Variants in CLDN16 observed in about 807,000 individuals in gnomAD.
CLDN16 encodes claudin-16.
A neutral mutation model predicts 24.6 loss-of-function variants in CLDN16; 13 were observed. The observed-to-expected ratio is 0.53, with a 90% CI of 0.34 to 0.84. The LOEUF is 0.84. Ranked by LOEUF, CLDN16 falls within the 40% of genes least tolerant of loss-of-function variation. The probability of loss-of-function intolerance (pLI) is 0.01; values close to 1 mark genes in which losing one functional copy is unlikely to be tolerated. For missense variants in CLDN16, 298 were observed against 292.7 expected (o/e 1.02, Z -0.13); for synonymous variants, 116 against 106.7 (o/e 1.09, Z -0.54).
chr3:190,303,884 C>G, the CLDN16 span, among the ~76,000 whole-genome samples: 2 of 95,840 alleles, frequency 2.1e-5, no homozygotes, highest in African/African-American at 6.1e-5. Context: ...CTCCTTTTCC[C>G]CACAAAACAC....
chr3:190,368,825 T>C (rs946607158), intron 1 of CLDN16, among the ~76,000 whole-genome samples: 4 of 152,010 alleles, frequency 2.6e-5, no homozygotes, highest in East Asian at 2.0e-4. Context: ...TTCCTCTGTA[T>C]TTTTTCCCTT....
At chr3:190,296,419 A>G in the CLDN16 span, among the ~76,000 whole-genome samples, 1 of 152,204 alleles carries the variant, frequency 6.6e-6, no homozygotes, top group African/African-American at 2.4e-5. Flanking sequence ...CTGCGAAAAA[A>G]GCAGTAAGTT....
At chr3:190,293,417 T>G in the CLDN16 span, among the ~76,000 whole-genome samples, 1 of 152,224 alleles carries the variant, frequency 6.6e-6, no homozygotes, top group Non-Finnish European at 1.5e-5. Context: ...TAGATCATAT[T>G]CCAAGGTGTA....
Position 190,410,063 on chromosome 3 carries a change from T to C in CLDN16, c.*27T>C, listed in dbSNP as rs1719235955. ...ATGCACGTTTCAGGGTGTGTTTGCA[T>C]ATGATTTAATCAATCAGTATGGTTA... On this transcript the variant is annotated 3_prime_UTR_variant, in exon 5 of 5. Coordinates refer to ENST00000264734, the MANE Select transcript of CLDN16 (RefSeq NM_006580.4). 1.2e-6 allele frequency: 2 copies of C among 1,613,164 alleles called. No homozygotes were observed. Among genetic ancestry groups the C allele is most frequent in the South Asian group, 2.2e-5 (2 of 91,070 alleles).
intron 1 of CLDN16, among the ~76,000 whole-genome samples, chr3:190,327,463 T>C (rs1166085321): frequency 6.6e-6 from 1 of 152,178 alleles, no homozygotes; most frequent in East Asian, 1.9e-4. Flanking sequence ...AAGGGCTTTG[T>C]TGTATAAACT....
chr3:190,376,958 A>G (rs1718261078), intron 3 of CLDN16, among the ~76,000 whole-genome samples: 1 of 151,976 alleles, frequency 6.6e-6, no homozygotes. Flanking sequence ...TTTAGAATCA[A>G]CTAACTATCG....
At chr3:190,331,325 A>G (rs936846988) in intron 1 of CLDN16, among the ~76,000 whole-genome samples, 1 of 152,200 alleles carries the variant, frequency 6.6e-6, no homozygotes, top group African/African-American at 2.4e-5. Context: ...TACACAGTTT[A>G]CTAAACACAG....
intron 3 of CLDN16, among the ~76,000 whole-genome samples, chr3:190,381,506 A>G (rs1480050892): frequency 6.6e-6 from 1 of 152,086 alleles, no homozygotes; most frequent in Non-Finnish European, 1.5e-5. Flanking sequence ...CTCTGGACAT[A>G]CCAAAGTACT....
chr3:190,323,087 C>T (rs1432614491), intron 1 of CLDN16, among the ~76,000 whole-genome samples: 3 of 152,020 alleles, frequency 2.0e-5, no homozygotes, highest in East Asian at 1.9e-4. Context: ...CTGCTTTCCA[C>T]TACATATCAA....
the CLDN16 span, among the ~76,000 whole-genome samples, chr3:190,295,772 T>G: frequency 2.6e-5 from 4 of 152,222 alleles, no homozygotes. Flanking sequence ...CTGTCTGAAC[T>G]AAATGTAGAA....
the CLDN16 span, among the ~76,000 whole-genome samples, chr3:190,292,273 A>G: frequency 6.6e-6 from 1 of 152,182 alleles, no homozygotes; most frequent in East Asian, 1.9e-4. Flanking sequence ...GTGGACTCAC[A>G]GGCACAACAG....
intron 1 of CLDN16, among the ~76,000 whole-genome samples, chr3:190,350,220 T>G (rs1717641142): frequency 1.3e-5 from 2 of 152,128 alleles, no homozygotes; most frequent in African/African-American, 4.8e-5. Context: ...AACAGGTTTT[T>G]GAGACATGAT....
the CLDN16 span, chr3:190,307,571 C>G: frequency 6.6e-6 from 1 of 152,044 alleles, no homozygotes; most frequent in Non-Finnish European, 1.5e-5. Context: ...TTCTTCTTGG[C>G]TTTAGAAACT....
At chr3:190,323,514 A>C (rs960294827) in intron 1 of CLDN16, among the ~76,000 whole-genome samples, 2 of 152,244 alleles carry the variant, frequency 1.3e-5, no homozygotes, top group African/African-American at 4.8e-5. Context: ...TGTTGTGGTT[A>C]GGAATCATTG....
intron 1 of CLDN16, among the ~76,000 whole-genome samples, chr3:190,347,187 G>C (rs1717569402): frequency 6.6e-6 from 1 of 152,170 alleles, no homozygotes. Context: ...GAGCCATGAT[G>C]ATGGTGGCAA....
At chr3:190,358,400 G>A (rs529251551) in intron 1 of CLDN16, among the ~76,000 whole-genome samples, 4 of 151,996 alleles carry the variant, frequency 2.6e-5, no homozygotes, top group Non-Finnish European at 4.4e-5. Flanking sequence ...TTTCAAGTAC[G>A]AATGACACAT....
upstream of CLDN16, among the ~76,000 whole-genome samples, chr3:190,383,993 T>G (rs1718428277): frequency 6.6e-6 from 1 of 152,206 alleles, no homozygotes; most frequent in South Asian, 2.1e-4. Context: ...AATTCTCATT[T>G]TATTGACAAG....
chr3:190,304,216 C>T, the CLDN16 span, among the ~76,000 whole-genome samples: 750 of 152,230 alleles, frequency 4.9e-3, 3 homozygotes, highest in Non-Finnish European at 7.9e-3. Flanking sequence ...GGGTCTAAGG[C>T]CTTCATTTTA....
intron 1 of CLDN16, among the ~76,000 whole-genome samples, chr3:190,328,655 A>G (rs1717120486): frequency 6.6e-6 from 1 of 151,646 alleles, no homozygotes; most frequent in Non-Finnish European, 1.5e-5. Flanking sequence ...CCAGCTACAT[A>G]AGGGAGAGAA....
Sources: allele counts gnomAD v4.1 joint callset (sites outside exome capture counted in the v4.1 genomes callset), GRCh38; gene constraint gnomAD v4.1.1; transcripts MANE v1.5; gene names NCBI Gene and HGNC (gene_info 2026-07-23, HGNC 2026-07-21).